The following CMSS1 variants were observed in gnomAD, a reference collection of about 807,000 sequenced individuals.
CMSS1 encodes the protein protein CMSS1.
In CMSS1, 33 loss-of-function variants were observed where a neutral mutation model predicts 43.5. The ratio of observed to expected loss-of-function variants is 0.76; its 90% CI spans 0.57 to 1.01. The LOEUF (loss-of-function observed/expected upper bound fraction) is 1.01. CMSS1 is among the 50% of genes least tolerant of loss of function. The probability of loss-of-function intolerance (pLI) is 0.00; values close to 1 mark genes in which losing one functional copy is unlikely to be tolerated. For synonymous variants in CMSS1, 115 were observed against 117.2 expected (o/e 0.98, Z 0.12); for missense variants, 313 against 326.4 (o/e 0.96, Z 0.32).
At chr3:99,853,330 G>C (rs753362501) in intron 1 of CMSS1, among the ~76,000 whole-genome samples, 20 of 152,164 alleles carry the variant, frequency 1.3e-4, no homozygotes, top group Non-Finnish European at 2.8e-4. Flanking sequence ...AGTTCTTACA[G>C]TTTTATTAGA....
intron 1 of CMSS1, among the ~76,000 whole-genome samples, chr3:99,852,855 A>G (rs528396054): frequency 3.3e-4 from 50 of 152,304 alleles, no homozygotes; most frequent in African/African-American, 9.1e-4. Flanking sequence ...TACATTCCAT[A>G]GGAGGAACAT....
intron 1 of CMSS1, among the ~76,000 whole-genome samples, chr3:100,106,348 A>G (rs1185548385): frequency 6.6e-6 from 1 of 152,158 alleles, no homozygotes; most frequent in Admixed American, 6.5e-5. Flanking sequence ...CTGATTCTAC[A>G]TGTAACCTAA....
chr3:99,834,945 G>A (rs186809462), intron 1 of CMSS1, among the ~76,000 whole-genome samples: 19 of 152,278 alleles, frequency 1.2e-4, no homozygotes, highest in African/African-American at 4.3e-4. Flanking sequence ...GAGATATTGT[G>A]TAATAAAGTC....
chr3:100,079,651 A>G (rs749611392), intron 1 of CMSS1, among the ~76,000 whole-genome samples: 6 of 152,174 alleles, frequency 3.9e-5, no homozygotes, highest in African/African-American at 7.2e-5. Flanking sequence ...CTGATTTTCA[A>G]TTCATTGTGA....
intron 1 of CMSS1, among the ~76,000 whole-genome samples, chr3:99,840,382 C>T (rs1179075802): frequency 1.3e-5 from 2 of 151,894 alleles, no homozygotes; most frequent in African/African-American, 4.8e-5. Context: ...CACCACCATG[C>T]CCGGCTAATT....
intron 2 of CMSS1, among the ~76,000 whole-genome samples, chr3:100,154,614 T>G (rs1165334919): frequency 6.6e-6 from 1 of 152,256 alleles, no homozygotes; most frequent in East Asian, 1.9e-4. Context: ...CATGCTTGTT[T>G]TGTTGTAAAA....
chr3:99,854,735 T>C (rs533273915), intron 1 of CMSS1, among the ~76,000 whole-genome samples: 1 of 152,336 alleles, frequency 6.6e-6, no homozygotes, highest in Admixed American at 6.5e-5. Flanking sequence ...ATGTGTATGT[T>C]TGTGGCATGT....
intron 1 of CMSS1, among the ~76,000 whole-genome samples, chr3:100,145,803 G>A: frequency 6.6e-6 from 1 of 152,178 alleles, no homozygotes; most frequent in East Asian, 1.9e-4. Context: ...ATTGGATGAG[G>A]CCCACTCACA....
Position 100,162,433 on chromosome 3 carries a change from G to T in CMSS1, c.355+1G>T. 6.2e-7 allele frequency: 1 copy of T among 1,607,848 alleles called. No individual in the cohort carries two copies. On this transcript the variant is annotated splice_donor_variant, in intron 4 of 9. Coordinates refer to ENST00000421999, the MANE Select transcript of CMSS1 (RefSeq NM_032359.4). LOFTEE classifies it high-confidence loss of function. Reference sequence around the variant, plus strand: ...GAATTAGAAGAACTGAACCTGCCAGGTATAGCCAAGCTTCAATTTTCCTAA... The same window carrying T: ...GAATTAGAAGAACTGAACCTGCCAGTTATAGCCAAGCTTCAATTTTCCTAA...
chr3:100,050,089 A>G (rs964574098), intron 1 of CMSS1, among the ~76,000 whole-genome samples: 2 of 152,230 alleles, frequency 1.3e-5, no homozygotes, highest in South Asian at 4.1e-4. Context: ...AATCACACAG[A>G]CTCACCTGTG....
intron 1 of CMSS1, chr3:99,876,237 T>TC: frequency 1.0e-6 from 1 of 985,050 alleles, no homozygotes; most frequent in Non-Finnish European, 1.2e-6. Flanking sequence ...TATAAGGCGC[T>TC]CCGCGTGTGC....
At chr3:99,956,458 T>A (rs986556570) in intron 1 of CMSS1, among the ~76,000 whole-genome samples, 22 of 152,180 alleles carry the variant, frequency 1.4e-4, no homozygotes, top group African/African-American at 5.3e-4. Context: ...GTTCAAGTGA[T>A]TCTTGTGTCT....
At chr3:99,987,453 C>T (rs542796227) in intron 1 of CMSS1, among the ~76,000 whole-genome samples, 2 of 148,416 alleles carry the variant, frequency 1.3e-5, no homozygotes, top group East Asian at 2.0e-4. Flanking sequence ...CTCTTGAACC[C>T]GGGAGGCAGA....
At chr3:99,924,480 G>A (rs917853433) in intron 1 of CMSS1, 5 of 1,425,048 alleles carry the variant, frequency 3.5e-6, no homozygotes, top group Non-Finnish European at 3.9e-6. Flanking sequence ...TTTTAGAAAT[G>A]TCCCTGTTTT....
intron 1 of CMSS1, among the ~76,000 whole-genome samples, chr3:99,981,504 A>G (rs181861179): frequency 6.6e-6 from 1 of 152,316 alleles, no homozygotes; most frequent in East Asian, 1.9e-4. Flanking sequence ...TGATACAATG[A>G]TACATGATAA....
intron 2 of CMSS1, among the ~76,000 whole-genome samples, chr3:100,150,522 A>G (rs544349405): frequency 6.6e-6 from 1 of 152,296 alleles, no homozygotes; most frequent in East Asian, 1.9e-4. Context: ...AAGATAGATG[A>G]TGTTCCCTCC....
chr3:100,062,093 C>CTT lies in CMSS1; in HGVS notation c.65-84845_65-84844dup, dbSNP rs71907944. 2.6e-4 allele frequency among the ~76,000 whole-genome samples: 14 copies of CTT among 53,180 alleles called. 3 individuals are homozygous for CTT. The highest frequency in any genetic ancestry group is 3.1e-4 in the Non-Finnish European group (9 of 29,472). The allele number at this position is 53,180 out of a possible 152,430, so 34.9% of individuals were successfully genotyped here. ...CCACTTGTGGTTATCCTGTCTTCTT[C>CTT]TTTTTTTTTTTTTTTTTTTTTTTTT... On this transcript the variant is annotated intron_variant, in intron 1 of 9. Coordinates refer to ENST00000421999, the MANE Select transcript of CMSS1 (RefSeq NM_032359.4).
At chr3:99,830,984 A>G (rs1942651994) in intron 1 of CMSS1, among the ~76,000 whole-genome samples, 1 of 152,236 alleles carries the variant, frequency 6.6e-6, no homozygotes, top group Non-Finnish European at 1.5e-5. Flanking sequence ...AGAATATGGC[A>G]TTTGACTTGG....
chr3:100,093,611 A>G (rs1261265808), intron 1 of CMSS1, among the ~76,000 whole-genome samples: 1 of 152,164 alleles, frequency 6.6e-6, no homozygotes, highest in African/African-American at 2.4e-5. Context: ...GAATGTCACA[A>G]CCAGTATATT....
Sources: gnomAD v4.1 joint callset for allele counts (sites outside exome capture counted in the v4.1 genomes callset) on GRCh38, gnomAD v4.1.1 for gene constraint, MANE v1.5 for transcripts, NCBI Gene and HGNC (gene_info 2026-07-23, HGNC 2026-07-21) for gene names.